The following SLC4A10 variants were observed in gnomAD, a reference collection of about 807,000 sequenced individuals.
SLC4A10 encodes solute carrier family 4 member 10, also known as sodium-driven chloride bicarbonate exchanger.
In SLC4A10, 42 loss-of-function variants were observed where a neutral mutation model predicts 137.7. That is an observed-to-expected ratio of 0.30 (90% CI 0.24 to 0.39). SLC4A10 has a LOEUF of 0.39. Ranked by LOEUF, SLC4A10 falls within the 10% of genes least tolerant of loss-of-function variation. The probability of loss-of-function intolerance (pLI) is 1.00; values close to 1 mark genes in which losing one functional copy is unlikely to be tolerated. For synonymous variants in SLC4A10, 474 were observed against 464.1 expected, an observed-to-expected ratio of 1.02 and a Z score of -0.27; for missense variants, 925 against 1,355.0, an observed-to-expected ratio of 0.68 and a Z score of 4.98.
At chr2:161,832,091 G>A (rs1018566502) in intron 3 of SLC4A10, among the ~76,000 whole-genome samples, 4 of 152,154 alleles carry the variant, frequency 2.6e-5, no homozygotes, top group Non-Finnish European at 1.5e-5. Context: ...AACAATCAGT[G>A]AGGATTATTG....
intron 1 of SLC4A10, among the ~76,000 whole-genome samples, chr2:161,696,352 T>C (rs1273288938): frequency 2.0e-5 from 3 of 150,560 alleles, no homozygotes; most frequent in Admixed American, 2.0e-4. Context: ...ATGTGCACAA[T>C]GTGCAGGTTA....
intron 1 of SLC4A10, among the ~76,000 whole-genome samples, chr2:161,704,655 T>C (rs937381680): frequency 6.6e-6 from 1 of 151,654 alleles, no homozygotes; most frequent in Non-Finnish European, 1.5e-5. Flanking sequence ...ATAGTTGAGG[T>C]TGTACCCCAC....
At chr2:161,683,094 T>C (rs1344053735) in intron 1 of SLC4A10, among the ~76,000 whole-genome samples, 1 of 152,160 alleles carries the variant, frequency 6.6e-6, no homozygotes, top group East Asian at 1.9e-4. Context: ...GGACTGACTA[T>C]GGAAGAGTGT....
chr2:161,847,016 T>C (rs752545139), intron 4 of SLC4A10, among the ~76,000 whole-genome samples: 2 of 151,126 alleles, frequency 1.3e-5, no homozygotes, highest in Non-Finnish European at 2.9e-5. Context: ...GCAGGAGGAT[T>C]ACTTGAGGCC....
intron 10 of SLC4A10, among the ~76,000 whole-genome samples, chr2:161,892,735 A>G (rs929180311): frequency 6.6e-6 from 1 of 152,114 alleles, no homozygotes. Flanking sequence ...AATCTCAAAT[A>G]CTTGTATCAT....
chr2:161,957,656 G>A (rs1416422938), intron 20 of SLC4A10, among the ~76,000 whole-genome samples: 1 of 152,122 alleles, frequency 6.6e-6, no homozygotes, highest in African/African-American at 2.4e-5. Flanking sequence ...GAGGTGAAGG[G>A]ATGAGCCTGG....
intron 4 of SLC4A10, among the ~76,000 whole-genome samples, chr2:161,854,356 A>G (rs974231460): frequency 2.6e-5 from 4 of 152,138 alleles, no homozygotes; most frequent in Non-Finnish European, 5.9e-5. Flanking sequence ...CATGACATCA[A>G]GGTTCTTCTC....
At chr2:161,849,506 T>C (rs2059700067) in intron 4 of SLC4A10, among the ~76,000 whole-genome samples, 2 of 152,184 alleles carry the variant, frequency 1.3e-5, no homozygotes, top group African/African-American at 4.8e-5. Context: ...CTTTCAGCTT[T>C]TGCCCATTCA....
intron 1 of SLC4A10, among the ~76,000 whole-genome samples, chr2:161,651,676 C>T (rs2036815978): frequency 1.3e-5 from 2 of 152,230 alleles, no homozygotes; most frequent in South Asian, 4.1e-4. Flanking sequence ...ACATCTGGTC[C>T]TGCTGCAGCC....
In SLC4A10 at chr2:161,905,809, C is replaced by G. The variant is rs1422612562; in HGVS notation, c.1919C>G (p.Ala640Gly). 2 of 1,613,900 alleles carry G rather than the reference C, an allele frequency of 1.2e-6. No homozygotes were observed. The highest frequency in any genetic ancestry group is 2.2e-5 in the East Asian group (1 of 44,866). Residue 640 changes from alanine to glycine, a missense_variant, in exon 15 of 27, where the codon GCC becomes GGC. Ala to Gly is a moderately conservative substitution (Grantham distance 60, BLOSUM62 0). Coordinates refer to ENST00000446997, the MANE Select transcript of SLC4A10 (RefSeq NM_001178015.2). ...ATTTGCATCATTTTCATTTATGAGG[C>G]CCTGGAGAAGTTGTTTGAACTCAGT... The part of the protein sequence containing the change: ...SLICIIFIYE[A>G]LEKLFELSEA...
In SLC4A10 at chr2:161,638,914, AAAAG is replaced by A. The variant is rs770318989; in HGVS notation, c.48+14354_48+14357del. Among the ~76,000 whole-genome samples, 253 of 152,078 alleles carry A rather than the reference AAAAG, an allele frequency of 1.7e-3. 1 individual carries two copies. The highest frequency in any genetic ancestry group is 3.2e-3 in the Admixed American group (49 of 15,274). On this transcript the variant is annotated intron_variant, in intron 1 of 26. Coordinates refer to ENST00000446997, the MANE Select transcript of SLC4A10 (RefSeq NM_001178015.2). ...ATTTTGAGCTAGACCAATTAAGAAA[AAAAG>A]AAAGACAAATAAATAAAATCAGAGA...
chr2:161,676,466 C>A (rs1034075610), intron 1 of SLC4A10, among the ~76,000 whole-genome samples: 2 of 152,052 alleles, frequency 1.3e-5, no homozygotes, highest in Non-Finnish European at 2.9e-5. Flanking sequence ...TATTTTATGG[C>A]AAATTTAGGT....
chr2:161,936,213 T>A (rs956629851), intron 15 of SLC4A10, among the ~76,000 whole-genome samples: 29 of 152,160 alleles, frequency 1.9e-4, no homozygotes, highest in African/African-American at 6.5e-4. Flanking sequence ...TTTTTGCATT[T>A]ATGTTCATCA....
intron 1 of SLC4A10, among the ~76,000 whole-genome samples, chr2:161,714,603 C>G (rs1016666235): frequency 6.6e-6 from 1 of 151,744 alleles, no homozygotes; most frequent in African/African-American, 2.4e-5. Context: ...CATCTTTTTC[C>G]CCAAATTCAA....
intron 15 of SLC4A10, among the ~76,000 whole-genome samples, chr2:161,907,962 C>G (rs1684838787): frequency 6.6e-6 from 1 of 152,124 alleles, no homozygotes; most frequent in Admixed American, 6.5e-5. Context: ...ATTGCCTACC[C>G]TCTCAGCTGT....
At chr2:161,738,709 C>T (rs1009383555) in intron 1 of SLC4A10, among the ~76,000 whole-genome samples, 5 of 152,190 alleles carry the variant, frequency 3.3e-5, no homozygotes, top group African/African-American at 1.2e-4. Context: ...CTCGTTTAGT[C>T]ATTCCTTTAC....
At position 161,964,180 on chromosome 2, in the gene SLC4A10, C is replaced by A; in HGVS notation, c.2908C>A (p.Pro970Thr). ...CTTCTGGATGCCGGCAAAACATCAA[C>A]CAGATTTTATATACCTAAGGCACGT... ...KLFWMPAKHQ[P>T]DFIYLRHVPL... The change falls in exon 22 of 27, where the codon CCA becomes ACA. Residue 970 changes from proline to threonine, a missense_variant. By Grantham distance (38) the Pro-to-Thr change is conservative. Coordinates refer to ENST00000446997, the MANE Select transcript of SLC4A10 (RefSeq NM_001178015.2). 6.2e-7 allele frequency: 1 copy of A among 1,612,564 alleles called. No homozygotes were observed. The highest frequency in any genetic ancestry group is 8.5e-7 in the Non-Finnish European group (1 of 1,179,162).
intron 1 of SLC4A10, among the ~76,000 whole-genome samples, chr2:161,759,550 A>G (rs1431813555): frequency 6.6e-6 from 1 of 151,992 alleles, no homozygotes; most frequent in African/African-American, 2.4e-5. Context: ...ACTTTTATTT[A>G]AGATTCTACA....
At chr2:161,714,193 A>C (rs2044600533) in intron 1 of SLC4A10, among the ~76,000 whole-genome samples, 1 of 151,846 alleles carries the variant, frequency 6.6e-6, no homozygotes, top group South Asian at 2.1e-4. Context: ...AGTTCCTGTG[A>C]AGTTGTACTT....
Sources: gnomAD v4.1 joint callset for allele counts (sites outside exome capture counted in the v4.1 genomes callset) on GRCh38, gnomAD v4.1.1 for gene constraint, MANE v1.5 for transcripts, NCBI Gene and HGNC (gene_info 2026-07-23, HGNC 2026-07-21) for gene names.